KAZN: variants seen among roughly 807,000 people sequenced by gnomAD.
The protein encoded by KAZN is kazrin.
KAZN carries 40 observed loss-of-function variants against 87.4 expected under a neutral mutation model. The observed-to-expected ratio is 0.46, with a 90% CI of 0.36 to 0.60. The LOEUF (loss-of-function observed/expected upper bound fraction) is 0.60, where lower values mean the gene tolerates loss of function less well. KAZN is among the 20% of genes least tolerant of loss of function. KAZN has a pLI of 0.00. For synonymous variants in KAZN, 466 were observed against 458.3 expected (o/e 1.02, Z -0.22); for missense variants, 898 against 1,073.9 (o/e 0.84, Z 2.29).
intron 1 of KAZN, among the ~76,000 whole-genome samples, chr1:14,861,230 T>G (rs2101021611): frequency 6.6e-6 from 1 of 152,196 alleles, no homozygotes; most frequent in South Asian, 2.1e-4. Context: ...GTACAAAAAT[T>G]AGCTGGGTAC....
chr1:14,179,129 C>T (rs1279233493), intron 1 of KAZN, among the ~76,000 whole-genome samples: 1 of 152,180 alleles, frequency 6.6e-6, no homozygotes, highest in South Asian at 2.1e-4. Context: ...CCTGCCCAGA[C>T]ACAGGATTGA....
chr1:14,695,119 T>A (rs1641524194), intron 1 of KAZN, among the ~76,000 whole-genome samples: 1 of 152,190 alleles, frequency 6.6e-6, no homozygotes, highest in Non-Finnish European at 1.5e-5. Flanking sequence ...GGTGTATACC[T>A]TGAACATCTT....
chr1:14,479,935 T>G (rs1407691835), intron 2 of KAZN, among the ~76,000 whole-genome samples: 1 of 152,092 alleles, frequency 6.6e-6, no homozygotes, highest in African/African-American at 2.4e-5. Flanking sequence ...AAACCAAGTG[T>G]CCAAAAAGGA....
Position 15,065,489 on chromosome 1 carries a change from C to T in KAZN, c.1099-141C>T, listed in dbSNP as rs572116159. Reference sequence around the variant, plus strand: ...CCTGGAGGTGGCTTCTCAGCCATCCCAGCCCGTCCCTGACCCCACTGGCTT... The same window carrying T: ...CCTGGAGGTGGCTTCTCAGCCATCCTAGCCCGTCCCTGACCCCACTGGCTT... On this transcript the variant is annotated intron_variant, in intron 7 of 14. Transcript: ENST00000376030. 4.9e-5 allele frequency: 36 copies of T among 731,628 alleles called. 1 individual carries two copies. The South Asian group carries it at 6.3e-4, about 13-fold the overall frequency. 45.3% of individuals were successfully genotyped at this position (731,628 alleles called of 1,614,324 possible).
At chr1:14,149,324 G>T (rs1166248960) in intron 1 of KAZN, among the ~76,000 whole-genome samples, 2 of 150,824 alleles carry the variant, frequency 1.3e-5, no homozygotes, top group African/African-American at 4.9e-5. Flanking sequence ...AGCCAGGATG[G>T]TCTCGATCTC....
At chr1:14,318,171 C>A (rs765439792) in intron 2 of KAZN, among the ~76,000 whole-genome samples, 3 of 151,974 alleles carry the variant, frequency 2.0e-5, no homozygotes, top group Non-Finnish European at 4.4e-5. Flanking sequence ...CCACTTATTT[C>A]CAGTGTTCTT....
chr1:14,795,210 A>G (rs1645794081), intron 1 of KAZN, among the ~76,000 whole-genome samples: 1 of 152,060 alleles, frequency 6.6e-6, no homozygotes, highest in African/African-American at 2.4e-5. Context: ...GTTCCCCTTC[A>G]TGTATTCATC....
At chr1:14,052,727 A>G (rs1276308083) in intron 1 of KAZN, among the ~76,000 whole-genome samples, 5 of 152,180 alleles carry the variant, frequency 3.3e-5, no homozygotes, top group Admixed American at 6.5e-5. Flanking sequence ...TAAGGTAACA[A>G]AGGAGAGAGG....
At chr1:14,492,229 A>G (rs978656722) in intron 2 of KAZN, among the ~76,000 whole-genome samples, 7 of 152,102 alleles carry the variant, frequency 4.6e-5, no homozygotes, top group Non-Finnish European at 7.4e-5. Flanking sequence ...TGAGTCTTGG[A>G]GAGAACAGGA....
At chr1:15,007,597 G>T (rs1669153520) in intron 2 of KAZN, among the ~76,000 whole-genome samples, 1 of 152,322 alleles carries the variant, frequency 6.6e-6, no homozygotes, top group South Asian at 2.1e-4. Flanking sequence ...CGCAAGGTGG[G>T]CTTGGCCAGC....
At chr1:14,614,763 G>A (rs1338941447) in intron 1 of KAZN, among the ~76,000 whole-genome samples, 1 of 152,210 alleles carries the variant, frequency 6.6e-6, no homozygotes, top group Admixed American at 6.5e-5. Flanking sequence ...TAATTTCTAG[G>A]ACAAGGGCCT....
intron 1 of KAZN, among the ~76,000 whole-genome samples, chr1:14,112,672 T>G (rs1345544575): frequency 6.6e-6 from 1 of 152,186 alleles, no homozygotes; most frequent in African/African-American, 2.4e-5. Flanking sequence ...TATAATCACA[T>G]GAGTCCTTTC....
intron 2 of KAZN, among the ~76,000 whole-genome samples, chr1:14,231,681 C>T (rs1647863689): frequency 6.6e-6 from 1 of 152,166 alleles, no homozygotes; most frequent in Non-Finnish European, 1.5e-5. Flanking sequence ...TTATCAGTAT[C>T]CAGTGTACCA....
intron 2 of KAZN, among the ~76,000 whole-genome samples, chr1:14,406,773 G>T (rs1338285202): frequency 6.6e-6 from 1 of 152,156 alleles, no homozygotes; most frequent in Non-Finnish European, 1.5e-5. Flanking sequence ...AATAATATTT[G>T]AGCAAATATC....
chr1:13,910,634 T>C (rs986790676), intron 1 of KAZN, among the ~76,000 whole-genome samples: 2 of 152,098 alleles, frequency 1.3e-5, no homozygotes, highest in Non-Finnish European at 2.9e-5. Flanking sequence ...GCAGAGCGGA[T>C]GCTAGCATCA....
At chr1:14,596,306 GCGCACA>G (rs772032921), upstream of KAZN, among the ~76,000 whole-genome samples, 6 of 61,542 alleles carry the variant, frequency 9.7e-5, no homozygotes, top group Non-Finnish European at 1.5e-4. Flanking sequence ...GCACACGTGT[GCGCACA>G]CACACACACA....
At position 14,022,485 on chromosome 1, in the gene KAZN, C is replaced by CAAAAAAAAAAAA. The variant is rs58713618; in HGVS notation, c.91+128747_91+128758dup. 4.7e-3 allele frequency among the ~76,000 whole-genome samples: 515 copies of CAAAAAAAAAAAA among 110,434 alleles called. 3 individuals carry two copies. Among genetic ancestry groups the CAAAAAAAAAAAA allele is most frequent in the Non-Finnish European group, 6.0e-3 (337 of 56,356 alleles). The allele number at this position is 110,434 out of a possible 152,430, so 72.4% of individuals were successfully genotyped here. On this transcript the variant is annotated intron_variant, in intron 1 of 16. Coordinates refer to the KAZN transcript ENST00000636203. Reference sequence around the variant, plus strand: ...CATTATAGCTTTCACGTATTTAAAGCAAAAAAAAAAAAAAAAAAAAAAAAA... The same window carrying CAAAAAAAAAAAA: ...CATTATAGCTTTCACGTATTTAAAGCAAAAAAAAAAAAAAAAAAAAAAAAAAAAAAAAAAAAA...
rs766657455 is a variant in KAZN at position 14,599,202 on chromosome 1, A to G, written c.205A>G (p.Asn69Asp). 1 of 1,404,294 alleles carries G rather than the reference A, an allele frequency of 7.1e-7. No homozygotes were observed. Among genetic ancestry groups the G allele is most frequent in the Non-Finnish European group, 9.2e-7 (1 of 1,081,258 alleles). The allele number at this position is 1,404,294 out of a possible 1,614,324, so 87.0% of individuals were successfully genotyped here. ...GGACTCGGCGGCGACGAACATGGAG[A>G]ACCCCCAGCTTGGAGCGCAAGGTAG... ...AGDSAATNMENPQLGAQVLLR... is the reference protein window; with the variant it reads ...AGDSAATNMEDPQLGAQVLLR... The change falls in exon 1 of 15, where the codon AAC becomes GAC. Residue 69 changes from asparagine (N) to aspartate (D), a missense_variant. Asn to Asp is a conservative substitution (Grantham distance 23). Transcript: ENST00000376030. This position sits in a 1 kb window ranked among gnomAD's most constrained non-coding sequence, Gnocchi z 4.4.
chr1:14,608,331 G>A (rs1677531566), intron 1 of KAZN, among the ~76,000 whole-genome samples: 1 of 152,102 alleles, frequency 6.6e-6, no homozygotes. Context: ...GAGTTATCTT[G>A]GACTCACAGC....
Sources: allele counts gnomAD v4.1 joint callset (sites outside exome capture counted in the v4.1 genomes callset), GRCh38; gene constraint gnomAD v4.1.1; non-coding constraint Gnocchi (gnomAD v3.1); transcripts MANE v1.5; gene names NCBI Gene and HGNC (gene_info 2026-07-23, HGNC 2026-07-21).